LRP1B: variants seen among roughly 807,000 people sequenced by gnomAD.
LRP1B encodes low-density lipoprotein receptor-related protein 1B.
In LRP1B, 217 loss-of-function variants were observed where a neutral mutation model predicts 556.6. That is an observed-to-expected ratio of 0.39 (90% CI 0.35 to 0.44). The LOEUF is 0.44. Among genes scored for constraint, LRP1B ranks in the 20% least tolerant of loss-of-function variants. The probability of loss-of-function intolerance (pLI) is 1.00; values close to 1 mark genes in which losing one functional copy is unlikely to be tolerated. For missense variants in LRP1B, 5,053 were observed against 5,620.8 expected (o/e 0.90, Z 3.23); for synonymous variants, 2,047 against 1,865.8 (o/e 1.10, Z -2.50).
chr2:141,232,948 G>T (rs997305829), intron 5 of LRP1B, among the ~76,000 whole-genome samples: 20 of 152,158 alleles, frequency 1.3e-4, no homozygotes, highest in African/African-American at 4.8e-4. Context: ...GTTGAAACTG[G>T]CATAGCCCTG....
intron 41 of LRP1B, chr2:140,683,446 C>A: frequency 3.6e-6 from 2 of 548,838 alleles, no homozygotes; most frequent in South Asian, 3.3e-5. Flanking sequence ...CACCTGGGGT[C>A]ATAGATCATG....
intron 3 of LRP1B, among the ~76,000 whole-genome samples, chr2:141,442,368 A>C (rs1454699820): frequency 2.0e-5 from 3 of 151,998 alleles, no homozygotes; most frequent in East Asian, 1.9e-4. Flanking sequence ...TGTAAAAAAC[A>C]GTGGACAATA....
At chr2:140,915,996 C>T (rs922220993) in intron 21 of LRP1B, among the ~76,000 whole-genome samples, 1 of 151,948 alleles carries the variant, frequency 6.6e-6, no homozygotes, top group African/African-American at 2.4e-5. Context: ...CCACTGCACT[C>T]CAGCCCGGGT....
Position 140,702,453 on chromosome 2 carries a change from G to T in LRP1B, c.6124C>A (p.Pro2042Thr), listed in dbSNP as rs2105430243. 1.2e-6 allele frequency: 2 copies of T among 1,613,510 alleles called. 1 individual carries two copies. Among genetic ancestry groups the T allele is most frequent in the South Asian group, 2.2e-5 (2 of 91,076 alleles). The change falls in exon 38 of 91, where the codon CCG (proline) becomes ACG (threonine). Residue 2042 changes from proline (P) to threonine (T), a missense_variant. Pro to Thr is a conservative substitution (Grantham distance 38). This residue lies in a region of LRP1B where 3,619 missense variants were observed against 3,931.9 expected (regional missense o/e 0.92). Coordinates refer to ENST00000389484, the MANE Select transcript of LRP1B (RefSeq NM_018557.3). ...VVLVSMGIAW[P>T]NGISIDYEEN... The stretch of plus-strand genomic sequence containing the variant: ...TCATAGTCGATGGAGATGCCATTCG[G>T]CCATGCTATTCCCATGCTTACAAGG...
At chr2:141,761,641 G>T (rs777040331) in intron 2 of LRP1B, among the ~76,000 whole-genome samples, 1 of 151,956 alleles carries the variant, frequency 6.6e-6, no homozygotes. Flanking sequence ...CATACCTGTT[G>T]GACACTGAAC....
chr2:141,596,820 T>C (rs1362124847), intron 2 of LRP1B, among the ~76,000 whole-genome samples: 1 of 151,986 alleles, frequency 6.6e-6, no homozygotes, highest in Non-Finnish European at 1.5e-5. Flanking sequence ...AACAGGAATG[T>C]GCCATATGCC....
chr2:141,234,335 T>C (rs1521101), intron 5 of LRP1B, among the ~76,000 whole-genome samples: 43,902 of 152,074 alleles, frequency 0.29, 6,912 homozygotes, highest in Middle Eastern at 0.48. Flanking sequence ...TGAAACAAAA[T>C]GCATGAAATC....
At chr2:141,099,397 G>A (rs931102478) in intron 7 of LRP1B, among the ~76,000 whole-genome samples, 20 of 152,172 alleles carry the variant, frequency 1.3e-4, no homozygotes, top group Admixed American at 5.9e-4. Flanking sequence ...TTGTGGATAT[G>A]ACAAGAAGTG....
chr2:141,730,809 A>G (rs1031728338), intron 2 of LRP1B, among the ~76,000 whole-genome samples: 2 of 152,158 alleles, frequency 1.3e-5, no homozygotes, highest in Admixed American at 6.6e-5. Context: ...GCTGAAATCC[A>G]TACTCCCCAC....
chr2:140,378,538 T>G (rs181725229), intron 67 of LRP1B, among the ~76,000 whole-genome samples: 1 of 152,300 alleles, frequency 6.6e-6, no homozygotes, highest in East Asian at 1.9e-4. Flanking sequence ...AAAAGATAAA[T>G]GGTCTACTGT....
chr2:141,775,918 C>T (rs1167934497), intron 2 of LRP1B, among the ~76,000 whole-genome samples: 5 of 150,776 alleles, frequency 3.3e-5, no homozygotes, highest in African/African-American at 9.8e-5. Context: ...TCTTGGCTCA[C>T]TGCAAGCTCC....
chr2:140,370,246 T>G (rs2105163414), intron 71 of LRP1B, among the ~76,000 whole-genome samples: 1 of 152,142 alleles, frequency 6.6e-6, no homozygotes, highest in African/African-American at 2.4e-5. Flanking sequence ...ATTTAGGGAT[T>G]TGGGGCACAA....
intron 25 of LRP1B, among the ~76,000 whole-genome samples, chr2:140,873,672 A>G (rs1413953237): frequency 2.6e-5 from 4 of 152,022 alleles, no homozygotes; most frequent in Admixed American, 2.6e-4. Flanking sequence ...TAAAATAATT[A>G]GGTAAATGTA....
At chr2:141,023,080 T>A (rs1399198529) in intron 11 of LRP1B, among the ~76,000 whole-genome samples, 4 of 151,928 alleles carry the variant, frequency 2.6e-5, no homozygotes, top group Non-Finnish European at 5.9e-5. Flanking sequence ...GTATTTTTCA[T>A]GCTAAGTGAA....
chr2:140,790,944 T>C (rs939964926), intron 32 of LRP1B, among the ~76,000 whole-genome samples: 2 of 146,782 alleles, frequency 1.4e-5, no homozygotes, highest in Non-Finnish European at 3.0e-5. Flanking sequence ...CTACAAATTT[T>C]TTTTTTTTTT....
intron 7 of LRP1B, among the ~76,000 whole-genome samples, chr2:141,091,799 A>T (rs558247910): frequency 1.3e-5 from 2 of 152,300 alleles, no homozygotes; most frequent in Admixed American, 1.3e-4. Context: ...AAACAATGAG[A>T]AGCAAAAGTA....
At chr2:141,889,473 T>C (rs1270312164) in intron 1 of LRP1B, among the ~76,000 whole-genome samples, 2 of 152,166 alleles carry the variant, frequency 1.3e-5, no homozygotes, top group Admixed American at 6.5e-5. Context: ...ACTCAGGAGA[T>C]AGAACAAGGG....
At chr2:140,516,580 A>G (rs1689912122) in intron 50 of LRP1B, among the ~76,000 whole-genome samples, 2 of 152,074 alleles carry the variant, frequency 1.3e-5, no homozygotes, top group Non-Finnish European at 2.9e-5. Context: ...CAAATACATC[A>G]GGTACCACCT....
intron 2 of LRP1B, among the ~76,000 whole-genome samples, chr2:141,713,120 G>A (rs959726422): frequency 7.0e-6 from 1 of 143,162 alleles, no homozygotes; most frequent in Admixed American, 7.1e-5. Flanking sequence ...GTCTCACTCT[G>A]TCAGTGGTCT....
Sources: allele counts gnomAD v4.1 joint callset (sites outside exome capture counted in the v4.1 genomes callset), GRCh38; gene constraint gnomAD v4.1.1; regional missense constraint gnomAD v4.1.1; transcripts MANE v1.5; gene names NCBI Gene and HGNC (gene_info 2026-07-23, HGNC 2026-07-21).